The following PAG1 variants were observed in gnomAD, a reference collection of about 807,000 sequenced individuals.
PAG1 encodes phosphoprotein membrane anchor with glycosphingolipid microdomains 1.
PAG1 carries 23 observed loss-of-function variants against 31.7 expected under a neutral mutation model. That is an observed-to-expected ratio of 0.73 (90% CI 0.52 to 1.03). PAG1 has a LOEUF of 1.03. Ranked by LOEUF, PAG1 falls within the 50% of genes least tolerant of loss-of-function variation. PAG1 has a pLI of 0.00. For missense variants in PAG1, 473 were observed against 540.7 expected (o/e 0.87, Z 1.24); for synonymous variants, 214 against 210.3 (o/e 1.02, Z -0.15).
rs1367262282 is a variant in PAG1, at chr8:81,100,045, C to A, written c.-234+11546G>T. 2.0e-5 allele frequency among the ~76,000 whole-genome samples: 3 copies of A among 152,174 alleles called. No homozygotes were observed. In the East Asian group the frequency reaches 5.8e-4, roughly 29 times the overall value. On this transcript the variant is annotated intron_variant, in intron 1 of 8. Coordinates refer to ENST00000220597, the MANE Select transcript of PAG1 (RefSeq NM_018440.4). ...TCAAGGAAAAATTAGAAATTCTTTA[C>A]CCACAAATGACTGATATTACATTTA... is the stretch of plus-strand genomic sequence containing the variant.
chr8:81,085,619 G>A (rs1417345926), intron 1 of PAG1, among the ~76,000 whole-genome samples: 1 of 152,158 alleles, frequency 6.6e-6, no homozygotes, highest in Non-Finnish European at 1.5e-5. Context: ...CAACAGAGAG[G>A]AATAGAGGAA....
At chr8:81,099,858 T>C (rs1809583223) in intron 1 of PAG1, among the ~76,000 whole-genome samples, 1 of 152,232 alleles carries the variant, frequency 6.6e-6, no homozygotes, top group Non-Finnish European at 1.5e-5. Flanking sequence ...TTGGAGACTT[T>C]TATGGCATGT....
At chr8:81,074,088 C>G (rs1809137624) in intron 1 of PAG1, among the ~76,000 whole-genome samples, 1 of 152,188 alleles carries the variant, frequency 6.6e-6, no homozygotes, top group South Asian at 2.1e-4. Flanking sequence ...AGATTATTAG[C>G]TGAGAATGAG....
At chr8:81,088,778 T>G (rs1480319321) in intron 1 of PAG1, among the ~76,000 whole-genome samples, 1 of 152,144 alleles carries the variant, frequency 6.6e-6, no homozygotes, top group Non-Finnish European at 1.5e-5. Context: ...AATGCTAAAC[T>G]CTAATAAGAG....
At chr8:81,006,288 G>C (rs1292135831) in intron 3 of PAG1, among the ~76,000 whole-genome samples, 1 of 152,190 alleles carries the variant, frequency 6.6e-6, no homozygotes, top group Non-Finnish European at 1.5e-5. Context: ...TCCCAAGTAG[G>C]TAATTCACTA....
At chr8:81,041,963 T>C (rs1266559927) in intron 2 of PAG1, among the ~76,000 whole-genome samples, 1 of 152,214 alleles carries the variant, frequency 6.6e-6, no homozygotes, top group Non-Finnish European at 1.5e-5. Flanking sequence ...TTGTTGGTGG[T>C]CCCCCAAAGG....
chr8:81,106,206 C>T (rs1809690166), intron 1 of PAG1, among the ~76,000 whole-genome samples: 1 of 152,016 alleles, frequency 6.6e-6, no homozygotes, highest in Admixed American at 6.6e-5. Flanking sequence ...CCACCATGCC[C>T]AGCTAATTTT....
chr8:81,015,993 A>G (rs1443278728), intron 3 of PAG1, among the ~76,000 whole-genome samples: 4 of 152,114 alleles, frequency 2.6e-5, no homozygotes, highest in East Asian at 1.9e-4. Context: ...CTGATCCTCT[A>G]TGTGAATAAG....
chr8:81,099,005 G>A (rs896062704), intron 1 of PAG1, among the ~76,000 whole-genome samples: 3 of 152,178 alleles, frequency 2.0e-5, no homozygotes, highest in Admixed American at 6.5e-5. Context: ...ATTTTGCTAC[G>A]AAATGAGTTT....
At chr8:81,044,253 T>C (rs1021987670) in intron 2 of PAG1, among the ~76,000 whole-genome samples, 1 of 152,210 alleles carries the variant, frequency 6.6e-6, no homozygotes, top group African/African-American at 2.4e-5. Flanking sequence ...GGAAATAGGG[T>C]CTTTACAGAG....
chr8:81,043,312 A>G (rs1221249638), intron 2 of PAG1, among the ~76,000 whole-genome samples: 1 of 152,228 alleles, frequency 6.6e-6, no homozygotes, highest in East Asian at 1.9e-4. Context: ...TTATGTTTTA[A>G]AAAAGAATAT....
At chr8:81,018,395 T>TCTTG (rs1563631232) in intron 3 of PAG1, among the ~76,000 whole-genome samples, 2 of 152,198 alleles carry the variant, frequency 1.3e-5, no homozygotes, top group African/African-American at 4.8e-5. Flanking sequence ...TCAACATGGG[T>TCTTG]ATTTCAAAAC....
intron 3 of PAG1, among the ~76,000 whole-genome samples, chr8:81,012,913 A>C (rs28502248): frequency 2.6e-5 from 4 of 152,024 alleles, no homozygotes; most frequent in African/African-American, 7.3e-5. Context: ...AATTTAAAAA[A>C]TTTTTTTTCA....
chr8:81,081,558 G>C (rs1232691629), intron 1 of PAG1, among the ~76,000 whole-genome samples: 1 of 152,042 alleles, frequency 6.6e-6, no homozygotes, highest in Non-Finnish European at 1.5e-5. Context: ...TTGCCCTTCT[G>C]TAGCCCCACC....
rs76638807 is a variant in PAG1 at position 80,980,467 on chromosome 8, G to A, written c.904C>T (p.Arg302Trp). The A allele has an allele frequency of 1.7e-5, 28 of 1,607,874 alleles. No individual in the cohort carries two copies. The highest frequency in any genetic ancestry group is 2.7e-5 in the African/African-American group (2 of 74,932). Residue 302 changes from arginine to tryptophan, a missense_variant, in exon 8 of 9, where the codon CGG (arginine) becomes TGG (tryptophan). Coordinates refer to ENST00000220597, the MANE Select transcript of PAG1 (RefSeq NM_018440.4). ...KRFSSLSYKS[R>W]EEDPTLTEEE... ...TCTGTGAGAGTGGGGTCTTCTTCCC[G>A]AGACTTGTATGACAATGAGCTAAAT... is the stretch of plus-strand genomic sequence containing the variant.
At chr8:81,035,408 T>A (rs1808446632) in intron 2 of PAG1, among the ~76,000 whole-genome samples, 1 of 152,132 alleles carries the variant, frequency 6.6e-6, no homozygotes, top group Admixed American at 6.5e-5. Context: ...CGCTGGAATG[T>A]GACATAGTCA....
chr8:81,066,931 T>C (rs1369706272), intron 2 of PAG1, among the ~76,000 whole-genome samples: 1 of 152,090 alleles, frequency 6.6e-6, no homozygotes, highest in Non-Finnish European at 1.5e-5. Context: ...GAAGCCAAAG[T>C]GGGAGGCTCG....
intron 8 of PAG1, among the ~76,000 whole-genome samples, chr8:80,979,106 G>A (rs971651519): frequency 2.6e-5 from 4 of 152,154 alleles, no homozygotes; most frequent in Admixed American, 6.5e-5. Context: ...GTCCTAAAAT[G>A]AATGTCTGTG....
chr8:80,977,436 C>T (rs1487515741), intron 8 of PAG1, among the ~76,000 whole-genome samples: 2 of 152,162 alleles, frequency 1.3e-5, no homozygotes, highest in Non-Finnish European at 2.9e-5. Context: ...GCCCAGCAAC[C>T]GGTGCTGATT....
Sources: allele counts gnomAD v4.1 joint callset (sites outside exome capture counted in the v4.1 genomes callset), GRCh38; gene constraint gnomAD v4.1.1; transcripts MANE v1.5; gene names NCBI Gene and HGNC (gene_info 2026-07-23, HGNC 2026-07-21).